The following PEX5L variants were observed in gnomAD, a reference collection of about 807,000 sequenced individuals.
PEX5L encodes the protein peroxisomal biogenesis factor 5 like.
Under a neutral mutation model 84.0 loss-of-function variants are expected in PEX5L, and 30 were observed. The observed-to-expected ratio is 0.36, with a 90% CI of 0.27 to 0.48. The LOEUF is 0.48. Among genes scored for constraint, PEX5L ranks in the 20% least tolerant of loss-of-function variants. The probability of loss-of-function intolerance (pLI) is 0.99; values close to 1 mark genes in which losing one functional copy is unlikely to be tolerated. For missense variants in PEX5L, 533 were observed against 754.6 expected (o/e 0.71, Z 3.44); for synonymous variants, 270 against 283.1 (o/e 0.95, Z 0.46).
Position 179,801,188 on chromosome 3 carries a change from A to G in PEX5L, c.*640T>C, listed in dbSNP as rs1718760025. On this transcript the variant is annotated 3_prime_UTR_variant, in exon 15 of 15. Coordinates refer to ENST00000467460, the MANE Select transcript of PEX5L (RefSeq NM_016559.3). ...AACTCCAGCAAGGCATAAATAAGAT[A>G]TTAAAGTGCATATATACAATACCAG... The G allele has an allele frequency of 6.5e-6, 1 of 152,730 alleles. No homozygotes were observed. The highest frequency in any genetic ancestry group is 2.1e-4 in the South Asian group (1 of 4,832). The allele number at this position is 152,730 out of a possible 1,614,324, so 9.5% of individuals were successfully genotyped here.
At position 180,012,484 on chromosome 3, in the gene PEX5L, T is replaced by C. The variant is rs9819525; in HGVS notation, c.21+24095A>G. Among the ~76,000 whole-genome samples the C allele has an allele frequency of 7.3e-3, 1,119 of 152,294 alleles. 16 individuals are homozygous for C. Among genetic ancestry groups the C allele is most frequent in the African/African-American group, 0.025 (1,050 of 41,576 alleles). On this transcript the variant is annotated intron_variant, in intron 1 of 14. Coordinates refer to ENST00000467460, the MANE Select transcript of PEX5L (RefSeq NM_016559.3). The stretch of plus-strand genomic sequence containing the variant: ...AGGAAAGAAACAAACTGGTAGGTTT[T>C]GTTTTGGAGTCAGTGCAATTTAAAC...
chr3:179,894,047 A>G (rs1758427782), intron 3 of PEX5L, among the ~76,000 whole-genome samples: 1 of 152,006 alleles, frequency 6.6e-6, no homozygotes, highest in South Asian at 2.1e-4. Context: ...TACAGGTGCC[A>G]ACCACTTCAC....
intron 1 of PEX5L, among the ~76,000 whole-genome samples, chr3:179,981,071 C>T (rs1271207661): frequency 1.3e-5 from 2 of 151,652 alleles, no homozygotes; most frequent in East Asian, 3.9e-4. Context: ...GGATGCACAG[C>T]CAAATCCAAA....
chr3:180,035,835 GC>G (rs1293588867), intron 1 of PEX5L, among the ~76,000 whole-genome samples: 3 of 152,144 alleles, frequency 2.0e-5, no homozygotes, highest in Non-Finnish European at 4.4e-5. Flanking sequence ...TTCTCCCAAA[GC>G]ATATATCTGC....
chr3:179,916,795 G>A (rs1767290166), intron 2 of PEX5L, among the ~76,000 whole-genome samples: 1 of 151,960 alleles, frequency 6.6e-6, no homozygotes, highest in Admixed American at 6.6e-5. Flanking sequence ...TCAGCCTCCT[G>A]AGCGGCTAGG....
At position 179,960,724 on chromosome 3, in the gene PEX5L, T is replaced by C. The variant is rs111488768; in HGVS notation, c.93+10870A>G. 2.0e-4 allele frequency among the ~76,000 whole-genome samples: 31 copies of C among 152,346 alleles called. 1 individual carries two copies. Among genetic ancestry groups the C allele is most frequent in the Admixed American group, 7.2e-4 (11 of 15,300 alleles). The stretch of plus-strand genomic sequence containing the variant: ...TAAAAATTTAACAATATCTAACCTG[T>C]TTATGAGCTCAATATGTTTTATCTT... On this transcript the variant is annotated intron_variant, in intron 2 of 14. Coordinates refer to ENST00000467460, the MANE Select transcript of PEX5L (RefSeq NM_016559.3).
intron 8 of PEX5L, among the ~76,000 whole-genome samples, chr3:179,854,569 C>G (rs1028372473): frequency 1.3e-5 from 2 of 151,970 alleles, no homozygotes; most frequent in African/African-American, 4.8e-5. Flanking sequence ...ATGCTTCAGG[C>G]AGAATTGTTT....
chr3:179,929,938 C>T (rs1772563457), intron 2 of PEX5L, among the ~76,000 whole-genome samples: 1 of 152,198 alleles, frequency 6.6e-6, no homozygotes, highest in Admixed American at 6.5e-5. Context: ...ATTCCCCTTC[C>T]TTTCACACTC....
chr3:179,877,818 A>T (rs995379692), intron 5 of PEX5L, among the ~76,000 whole-genome samples: 1 of 151,498 alleles, frequency 6.6e-6, no homozygotes, highest in Non-Finnish European at 1.5e-5. Flanking sequence ...GTACAACTGA[A>T]TAAACCTAGA....
intron 8 of PEX5L, among the ~76,000 whole-genome samples, chr3:179,822,890 C>T (rs1729017223): frequency 1.3e-5 from 2 of 152,094 alleles, no homozygotes; most frequent in Non-Finnish European, 2.9e-5. Flanking sequence ...AGCAGCTTTC[C>T]CCTTGGATGG....
At chr3:179,957,528 A>AT (rs1780888251) in intron 2 of PEX5L, among the ~76,000 whole-genome samples, 1 of 152,212 alleles carries the variant, frequency 6.6e-6, no homozygotes, top group Non-Finnish European at 1.5e-5. Context: ...ACAACTTGGG[A>AT]TAAACTAGCT....
At chr3:179,884,120 A>C (rs1333418959) in intron 4 of PEX5L, among the ~76,000 whole-genome samples, 1 of 152,228 alleles carries the variant, frequency 6.6e-6, no homozygotes, top group Non-Finnish European at 1.5e-5. Context: ...GCTTGGCAAT[A>C]TTAAGTAACT....
intron 1 of PEX5L, 124 bp downstream of exon 1, chr3:180,036,455 C>T: frequency 1.1e-6 from 1 of 924,342 alleles, no homozygotes; most frequent in Non-Finnish European, 1.8e-6. Context: ...ATGTCACGGT[C>T]ATGTTGCATC....
chr3:180,023,117 A>C (rs1291028165), intron 1 of PEX5L, among the ~76,000 whole-genome samples: 1 of 152,174 alleles, frequency 6.6e-6, no homozygotes, highest in Non-Finnish European at 1.5e-5. Flanking sequence ...ATAGAGTGAA[A>C]AACAGAAGAC....
intron 2 of PEX5L, among the ~76,000 whole-genome samples, chr3:179,953,462 G>A (rs1025144031): frequency 6.6e-6 from 1 of 151,680 alleles, no homozygotes; most frequent in Non-Finnish European, 1.5e-5. Context: ...CTTCTCAAAA[G>A]TTTTTTTTTA....
At chr3:179,871,941 C>T (rs1385639584) in intron 7 of PEX5L, among the ~76,000 whole-genome samples, 4 of 152,134 alleles carry the variant, frequency 2.6e-5, no homozygotes, top group Non-Finnish European at 4.4e-5. Flanking sequence ...TGCTGGAGTG[C>T]AGTGGCTCAG....
At chr3:179,996,298 G>T (rs1235759432) in intron 1 of PEX5L, among the ~76,000 whole-genome samples, 2 of 152,184 alleles carry the variant, frequency 1.3e-5, no homozygotes, top group African/African-American at 2.4e-5. Context: ...GATATTAAGG[G>T]TGTGGGATAA....
chr3:179,986,527 C>T (rs924351128), intron 1 of PEX5L, among the ~76,000 whole-genome samples: 1 of 151,560 alleles, frequency 6.6e-6, no homozygotes, highest in Admixed American at 6.6e-5. Context: ...CTCAGCCTCC[C>T]GAGTAGCTGG....
At chr3:179,981,146 T>C (rs1786289157) in intron 1 of PEX5L, among the ~76,000 whole-genome samples, 1 of 152,004 alleles carries the variant, frequency 6.6e-6, no homozygotes, top group South Asian at 2.1e-4. Context: ...TTATTACTGC[T>C]AATGAGGAGG....
Sources: gnomAD v4.1 joint callset for allele counts (sites outside exome capture counted in the v4.1 genomes callset) on GRCh38, gnomAD v4.1.1 for gene constraint, MANE v1.5 for transcripts, NCBI Gene and HGNC (gene_info 2026-07-23, HGNC 2026-07-21) for gene names.